The following PXN variants were observed in gnomAD, a reference collection of about 807,000 sequenced individuals.
PXN encodes the protein paxillin.
In PXN, 61 loss-of-function variants were observed where a neutral mutation model predicts 103.6. The observed-to-expected ratio is 0.59, with a 90% CI of 0.48 to 0.73. The LOEUF (loss-of-function observed/expected upper bound fraction) is 0.73, where lower values mean the gene tolerates loss of function less well. Ranked by LOEUF, PXN falls within the 30% of genes least tolerant of loss-of-function variation. The probability of loss-of-function intolerance (pLI) is 0.00; values close to 1 mark genes in which losing one functional copy is unlikely to be tolerated. For synonymous variants in PXN, 562 were observed against 607.8 expected (o/e 0.92, Z 1.11); for missense variants, 1,274 against 1,460.3 (o/e 0.87, Z 2.08).
chr12:120,241,736 C>A (rs1281913945), intron 1 of PXN, among the ~76,000 whole-genome samples: 1 of 152,162 alleles, frequency 6.6e-6, no homozygotes, highest in Non-Finnish European at 1.5e-5. Flanking sequence ...GTGCAAGTCC[C>A]AGCTTGATGG....
rs771768195 is a variant in PXN at position 120,217,171 on chromosome 12, C to T, written c.1717-55G>A. 62 of 1,381,156 alleles carry T rather than the reference C, an allele frequency of 4.5e-5. No homozygotes were observed. Among genetic ancestry groups the T allele is most frequent in the Non-Finnish European group, 5.8e-5 (58 of 1,005,646 alleles). 85.6% of individuals were successfully genotyped at this position (1,381,156 alleles called of 1,614,324 possible). Reference sequence around the variant, plus strand: ...CGTCCCACTCCCAGCTTGCACAACGCTGCTCAGGCCACACTCAGATGCCTC... The same window carrying T: ...CGTCCCACTCCCAGCTTGCACAACGTTGCTCAGGCCACACTCAGATGCCTC... On this transcript the variant is annotated intron_variant, in intron 7 of 14. Transcript: ENST00000637617. This position sits in a 1 kb window ranked among gnomAD's most constrained non-coding sequence, Gnocchi z 4.1.
chr12:120,215,311 C>T lies in PXN; in HGVS notation c.2404-38G>A, dbSNP rs753120901. 1.3e-6 allele frequency: 2 copies of T among 1,557,034 alleles called. No individual in the cohort carries two copies. The highest frequency in any genetic ancestry group is 2.3e-5 in the South Asian group (2 of 85,204). On this transcript the variant is annotated intron_variant, in intron 10 of 14. Coordinates refer to ENST00000637617, the MANE Select transcript of PXN (RefSeq NM_001385981.1). The surrounding 1 kb of genome is among the most constrained non-coding windows in gnomAD (Gnocchi z 4.9). ...AGGGGGCTGGTCAGGACTCCTGAGG[C>T]TCGGGGTACGGTGTCTGGCAGCACA...
intron 1 of PXN, among the ~76,000 whole-genome samples, chr12:120,239,239 G>C (rs1889700346): frequency 6.6e-6 from 1 of 152,018 alleles, no homozygotes; most frequent in African/African-American, 2.4e-5. Context: ...CTGAGGTCAA[G>C]AGTTCCAAAC....
chr12:120,234,368 C>T (rs571175644), intron 1 of PXN, among the ~76,000 whole-genome samples: 1 of 152,224 alleles, frequency 6.6e-6, no homozygotes, highest in East Asian at 1.9e-4. Flanking sequence ...GAGATTGCGC[C>T]ACTGCACTCC....
intron 1 of PXN, chr12:120,226,426 CCA>C (rs1886894622): frequency 3.9e-6 from 5 of 1,288,926 alleles, no homozygotes; most frequent in Middle Eastern, 2.1e-4. Flanking sequence ...GAGTCACATC[CCA>C]CACTGCCAAG....
At position 120,223,753 on chromosome 12, in the gene PXN, C is replaced by T. The variant is rs550860138; in HGVS notation, c.321G>A (p.Pro107=). 30 of 1,607,138 alleles carry T rather than the reference C, an allele frequency of 1.9e-5. No individual in the cohort carries two copies. In the Admixed American group the frequency reaches 2.2e-4, roughly 12 times the overall value. The change falls in exon 3 of 15, where the codon CCG becomes CCA. Residue 107 remains proline, a synonymous_variant. Coordinates refer to ENST00000637617, the MANE Select transcript of PXN (RefSeq NM_001385981.1). ...VSNPQDSVGS[P]CSRVGEEEHV... The stretch of plus-strand genomic sequence containing the variant: ...GCTCCTCCTCACCCACTCGGGAGCA[C>T]GGAGAGCCAACACTGTCCTGAGGGT...
chr12:120,254,907 G>A (rs960675851), intron 1 of PXN, among the ~76,000 whole-genome samples: 4 of 152,118 alleles, frequency 2.6e-5, no homozygotes, highest in Admixed American at 6.6e-5. Context: ...CAAGCTTAAC[G>A]TGCTACACAA....
Position 120,215,663 on chromosome 12 carries a change from TTAGA to T in PXN, c.2302-6_2302-3del, listed in dbSNP as rs1882646382. ...CGCTCTTTGCTCCAGGCCCTGGATC[TTAGA>T]TAGGGGAAGAGATGAGGGTAAGAAA... On this transcript the variant is annotated splice_polypyrimidine_tract_variant and splice_region_variant and intron_variant, in intron 9 of 14. Coordinates refer to ENST00000637617, the MANE Select transcript of PXN (RefSeq NM_001385981.1). This position sits in a 1 kb window ranked among gnomAD's most constrained non-coding sequence, Gnocchi z 4.9. 3.1e-6 allele frequency: 5 copies of T among 1,604,040 alleles called. No individual in the cohort carries two copies. In the East Asian group the frequency reaches 9.0e-5, roughly 29 times the overall value.
chr12:120,254,056 T>C (rs1436887466), intron 1 of PXN, among the ~76,000 whole-genome samples: 1 of 151,994 alleles, frequency 6.6e-6, no homozygotes, highest in African/African-American at 2.4e-5. Flanking sequence ...AATTTTTATA[T>C]TTTTGGTAGA....
Position 120,213,716 on chromosome 12 carries a change from C to T in PXN, c.2979+126G>A. ...TGGACTGGAGGAAGGAGATCCCCTG[C>T]CTGCTCCCCCAATTAATAACCCCAA... is the stretch of plus-strand genomic sequence containing the variant. On this transcript the variant is annotated intron_variant, in intron 14 of 14. Coordinates refer to ENST00000637617, the MANE Select transcript of PXN (RefSeq NM_001385981.1). This position sits in a 1 kb window ranked among gnomAD's most constrained non-coding sequence, Gnocchi z 4.2. 1.5e-6 allele frequency: 2 copies of T among 1,326,008 alleles called. No individual in the cohort carries two copies. Among genetic ancestry groups the T allele is most frequent in the Non-Finnish European group, 2.1e-6 (2 of 975,310 alleles). 82.1% of individuals were successfully genotyped at this position (1,326,008 alleles called of 1,614,324 possible).
chr12:120,221,516 C>T lies in PXN; in HGVS notation c.831+107G>A, dbSNP rs1594388718. On this transcript the variant is annotated intron_variant, in intron 6 of 14. Coordinates refer to ENST00000637617, the MANE Select transcript of PXN (RefSeq NM_001385981.1). The surrounding 1 kb of genome is among the most constrained non-coding windows in gnomAD (Gnocchi z 6.6). ...CAGTGTCCCTGGCTCAGGGGCAAGG[C>T]ACCCAAACACTGAGATGCCAAGATC... 3 of 1,303,592 alleles carry T rather than the reference C, an allele frequency of 2.3e-6. No homozygotes were observed. The highest frequency in any genetic ancestry group is 2.2e-5 in the Admixed American group (1 of 46,016). 80.8% of individuals were successfully genotyped at this position (1,303,592 alleles called of 1,614,324 possible). A position where few individuals can be genotyped will look rare whatever the true frequency, so the allele number is the denominator to read the frequency against.
chr12:120,247,083 G>A (rs1891302227), intron 1 of PXN, among the ~76,000 whole-genome samples: 1 of 151,824 alleles, frequency 6.6e-6, no homozygotes, highest in African/African-American at 2.4e-5. Flanking sequence ...TAAACAGATG[G>A]CACAAATGGA....
In PXN at chr12:120,222,387, G is replaced by A. The variant is rs565694477; in HGVS notation, c.695+162C>T. Among the ~76,000 whole-genome samples the A allele has an allele frequency of 2.6e-5, 4 of 152,360 alleles. No homozygotes were observed. The South Asian group carries it at 8.3e-4, about 32-fold the overall frequency. On this transcript the variant is annotated intron_variant, in intron 5 of 14. Transcript: ENST00000637617. The surrounding 1 kb of genome is among the most constrained non-coding windows in gnomAD (Gnocchi z 4.7). The stretch of plus-strand genomic sequence containing the variant: ...TCTGACTGGCAGTGACTGGCTGAAG[G>A]CAGGGATGGTGTCCATGTGACTCAC...
chr12:120,259,514 A>T (rs1377707101), intron 1 of PXN, among the ~76,000 whole-genome samples: 1 of 152,218 alleles, frequency 6.6e-6, no homozygotes, highest in Non-Finnish European at 1.5e-5. Context: ...CCACAATCAC[A>T]CAAGAAATAA....
chr12:120,217,008 A>T lies in PXN; in HGVS notation c.1825T>A (p.Ser609Thr), dbSNP rs1883321668. ...AGCTCCGCGATGAGCTGTTCCTGGG[A>T]TGGGGTCCTGCTCAAGGTGGCAGGG... ...LDPATLSRTPSQEQLIAELQG... is the reference protein window; with the variant it reads ...LDPATLSRTPTQEQLIAELQG... Residue 609 changes from serine (S) to threonine (T), a missense_variant, in exon 8 of 15, where the codon TCC becomes ACC. Around this residue, in one of 2 missense-constraint regions of PXN, gnomAD observed 1,178 missense variants for 1,309.0 expected, o/e 0.90. Coordinates refer to ENST00000637617, the MANE Select transcript of PXN (RefSeq NM_001385981.1). This position sits in a 1 kb window ranked among gnomAD's most constrained non-coding sequence, Gnocchi z 4.1. The T allele has an allele frequency of 8.3e-6, 13 of 1,573,536 alleles. No individual in the cohort carries two copies. Among genetic ancestry groups the T allele is most frequent in the Non-Finnish European group, 1.1e-5 (13 of 1,168,074 alleles).
In PXN at chr12:120,212,028, G is replaced by C; in HGVS notation, c.*286C>G. On this transcript the variant is annotated 3_prime_UTR_variant, in exon 15 of 15. Coordinates refer to ENST00000637617, the MANE Select transcript of PXN (RefSeq NM_001385981.1). This position sits in a 1 kb window ranked among gnomAD's most constrained non-coding sequence, Gnocchi z 7.2. ...GGTGCTGGCCAGGCCAGTTCGTGGG[G>C]ACGTACATGGGCTGGGGTGGAGCCC... is the stretch of plus-strand genomic sequence containing the variant. The C allele has an allele frequency of 1.5e-6, 1 of 670,834 alleles. No individual in the cohort carries two copies. The highest frequency in any genetic ancestry group is 2.8e-6 in the Non-Finnish European group (1 of 357,870). 41.6% of individuals were successfully genotyped at this position (670,834 alleles called of 1,614,324 possible). A position where few individuals can be genotyped will look rare whatever the true frequency, so the allele number is the denominator to read the frequency against.
intron 1 of PXN, among the ~76,000 whole-genome samples, chr12:120,255,236 G>A (rs546985775): frequency 5.3e-5 from 8 of 152,318 alleles, no homozygotes; most frequent in Admixed American, 3.9e-4. Flanking sequence ...ACACCCAGGT[G>A]CACCTCCACT....
chr12:120,231,915 G>A (rs1427013768), intron 1 of PXN, among the ~76,000 whole-genome samples: 1 of 152,270 alleles, frequency 6.6e-6, no homozygotes. Flanking sequence ...AGGAGCTTAA[G>A]CAACAGCAGG....
At chr12:120,231,342 G>A (rs192400403) in intron 1 of PXN, among the ~76,000 whole-genome samples, 1 of 152,330 alleles carries the variant, frequency 6.6e-6, no homozygotes, top group African/African-American at 2.4e-5. Context: ...TCTGCTAAGA[G>A]GATGGATGAG....
Sources: gnomAD v4.1 joint callset for allele counts (sites outside exome capture counted in the v4.1 genomes callset) on GRCh38, gnomAD v4.1.1 for gene constraint, gnomAD v4.1.1 regional missense constraint, Gnocchi (gnomAD v3.1) non-coding constraint, MANE v1.5 for transcripts, NCBI Gene and HGNC (gene_info 2026-07-23, HGNC 2026-07-21) for gene names.